HPSE2: variants seen among roughly 807,000 people sequenced by gnomAD.
HPSE2 encodes the protein heparanase 2 (inactive).
A neutral mutation model predicts 60.5 loss-of-function variants in HPSE2; 38 were observed. The observed-to-expected ratio is 0.63, with a 90% CI of 0.48 to 0.82. HPSE2 has a LOEUF of 0.82. Among genes scored for constraint, HPSE2 ranks in the 40% least tolerant of loss-of-function variants. The pLI, the probability that HPSE2 is intolerant of heterozygous loss-of-function variation, is 0.00. For synonymous variants in HPSE2, 295 were observed against 293.2 expected (o/e 1.01, Z -0.06); for missense variants, 713 against 740.4 (o/e 0.96, Z 0.43).
the HPSE2 span, among the ~76,000 whole-genome samples, chr10:99,264,660 C>T: frequency 2.0e-5 from 3 of 152,130 alleles, no homozygotes; most frequent in African/African-American, 7.2e-5. Flanking sequence ...CTGGTTACTC[C>T]CAATTCTTAG....
chr10:99,253,350 C>A, the HPSE2 span, among the ~76,000 whole-genome samples: 1 of 152,142 alleles, frequency 6.6e-6, no homozygotes, highest in Non-Finnish European at 1.5e-5. Context: ...GCCATCTGAT[C>A]TTTGACAAAG....
intron 7 of HPSE2, among the ~76,000 whole-genome samples, chr10:98,627,201 TAA>T (rs1946241835): frequency 6.6e-6 from 1 of 152,100 alleles, no homozygotes; most frequent in Non-Finnish European, 1.5e-5. Context: ...TCTGTGTAAA[TAA>T]AAGTTACGCC....
At chr10:98,696,351 C>A (rs1243847042) in intron 5 of HPSE2, among the ~76,000 whole-genome samples, 1 of 147,450 alleles carries the variant, frequency 6.8e-6, no homozygotes, top group Non-Finnish European at 1.5e-5. Flanking sequence ...CACCAACAAC[C>A]AAGGTATTCA....
intron 2 of HPSE2, among the ~76,000 whole-genome samples, chr10:99,168,950 T>C (rs190222730): frequency 6.9e-4 from 104 of 151,742 alleles, no homozygotes; most frequent in African/African-American, 2.4e-3. Flanking sequence ...ATCCCAGCAC[T>C]TTGGGAGGCC....
the HPSE2 span, among the ~76,000 whole-genome samples, chr10:99,242,182 C>G: frequency 6.6e-6 from 1 of 152,204 alleles, no homozygotes; most frequent in African/African-American, 2.4e-5. Context: ...GGGATGACAA[C>G]ACTTTCTCCA....
the HPSE2 span, among the ~76,000 whole-genome samples, chr10:99,243,065 G>C: frequency 6.6e-6 from 1 of 152,074 alleles, no homozygotes; most frequent in African/African-American, 2.4e-5. Flanking sequence ...TAAAAAATTA[G>C]AGTTAAGTCC....
chr10:99,069,613 T>C (rs1019497026), intron 3 of HPSE2, among the ~76,000 whole-genome samples: 1 of 151,094 alleles, frequency 6.6e-6, no homozygotes, highest in African/African-American at 2.4e-5. Flanking sequence ...TCACTACAGT[T>C]AGAGCTATAC....
intron 8 of HPSE2, among the ~76,000 whole-genome samples, chr10:98,617,895 T>A (rs567158548): frequency 6.6e-6 from 1 of 152,276 alleles, no homozygotes; most frequent in South Asian, 2.1e-4. Context: ...TAGCAGAGAA[T>A]CCCAATTTAT....
Position 98,509,376 on chromosome 10 carries a change from G to C in HPSE2, c.1321-19180C>G, listed in dbSNP as rs144813828. Among the ~76,000 whole-genome samples, 847 of 152,214 alleles carry C rather than the reference G, an allele frequency of 5.6e-3. 8 individuals carry two copies. The highest frequency in any genetic ancestry group is 0.02 in the African/African-American group (815 of 41,534). ...AGGTTAGTTTAGATGAAAGATGATA[G>C]TTTTGATTAAAGTGAGAAAGTTAAC... On this transcript the variant is annotated intron_variant, in intron 9 of 11. Transcript: ENST00000370552.
intron 5 of HPSE2, among the ~76,000 whole-genome samples, chr10:98,695,538 T>A (rs10748748): frequency 0.59 from 90,049 of 152,006 alleles, 27,199 homozygotes; most frequent in South Asian, 0.78. Context: ...TTCTTAAAAA[T>A]GCCTTGCTTG....
intron 9 of HPSE2, among the ~76,000 whole-genome samples, chr10:98,529,219 G>A (rs1206456119): frequency 6.6e-6 from 1 of 152,196 alleles, no homozygotes; most frequent in Non-Finnish European, 1.5e-5. Context: ...TAAGTTATCA[G>A]TCTTAATAAT....
At chr10:99,095,363 C>CT (rs1843685405) in intron 3 of HPSE2, among the ~76,000 whole-genome samples, 1 of 152,096 alleles carries the variant, frequency 6.6e-6, no homozygotes, top group Non-Finnish European at 1.5e-5. Context: ...ATTGTGACTC[C>CT]TTTTTTGTAT....
chr10:98,497,247 T>G (rs540834411), intron 9 of HPSE2, among the ~76,000 whole-genome samples: 1 of 152,112 alleles, frequency 6.6e-6, no homozygotes, highest in South Asian at 2.1e-4. Context: ...CAAAACCACT[T>G]TTTTCCTCAT....
chr10:99,047,852 G>A (rs1453130315), intron 3 of HPSE2: 9 of 779,348 alleles, frequency 1.2e-5, no homozygotes, highest in Admixed American at 1.7e-5. Context: ...AATTTGAATG[G>A]CGAGGATGGC....
At chr10:99,144,157 T>C in intron 3 of HPSE2, 81 bp downstream of exon 3, 2 of 1,220,216 alleles carry the variant, frequency 1.6e-6, no homozygotes, top group South Asian at 2.4e-5. Flanking sequence ...ATATAGTGGG[T>C]GTAGACAGAC....
intron 3 of HPSE2, among the ~76,000 whole-genome samples, chr10:99,073,032 G>C (rs1205128876): frequency 6.6e-6 from 1 of 150,756 alleles, no homozygotes; most frequent in Non-Finnish European, 1.5e-5. Flanking sequence ...TGGTGGGAAT[G>C]TAAATTAGTT....
At chr10:98,560,206 T>C (rs924622027) in intron 9 of HPSE2, among the ~76,000 whole-genome samples, 1 of 151,926 alleles carries the variant, frequency 6.6e-6, no homozygotes, top group Non-Finnish European at 1.5e-5. Flanking sequence ...ACTGCCAATC[T>C]AATCTCCAAA....
intron 9 of HPSE2, among the ~76,000 whole-genome samples, chr10:98,556,311 G>T (rs1197736348): frequency 6.6e-6 from 1 of 152,146 alleles, no homozygotes; most frequent in Non-Finnish European, 1.5e-5. Flanking sequence ...GAGATAGTAC[G>T]CTGCCCCCAT....
chr10:99,133,541 G>T (rs1656635205), intron 3 of HPSE2, among the ~76,000 whole-genome samples: 1 of 152,202 alleles, frequency 6.6e-6, no homozygotes, highest in African/African-American at 2.4e-5. Flanking sequence ...CCAGAGGAAA[G>T]ATCAGACAGC....
Sources: allele counts gnomAD v4.1 joint callset (sites outside exome capture counted in the v4.1 genomes callset), GRCh38; gene constraint gnomAD v4.1.1; transcripts MANE v1.5; gene names NCBI Gene and HGNC (gene_info 2026-07-23, HGNC 2026-07-21).